The following NCALD variants were observed in gnomAD, a reference collection of about 807,000 sequenced individuals.
The protein encoded by NCALD is neurocalcin-delta.
A neutral mutation model predicts 18.6 loss-of-function variants in NCALD; 10 were observed. The ratio of observed to expected loss-of-function variants is 0.54; its 90% CI spans 0.33 to 0.91. The LOEUF (loss-of-function observed/expected upper bound fraction) is 0.91. Ranked by LOEUF, NCALD falls within the 40% of genes least tolerant of loss-of-function variation. The pLI, the probability that NCALD is intolerant of heterozygous loss-of-function variation, is 0.03. For missense variants in NCALD, 184 were observed against 247.6 expected, an observed-to-expected ratio of 0.74 and a Z score of 1.72; for synonymous variants, 88 against 87.4, an observed-to-expected ratio of 1.01 and a Z score of -0.04.
chr8:102,017,841 G>A (rs965428328), intron 2 of NCALD, among the ~76,000 whole-genome samples: 2 of 152,148 alleles, frequency 1.3e-5, no homozygotes, highest in East Asian at 3.8e-4. Context: ...AAAAGTATTT[G>A]CAAAGCACAT....
At chr8:101,746,941 G>A (rs1016037872) in intron 1 of NCALD, among the ~76,000 whole-genome samples, 9 of 152,014 alleles carry the variant, frequency 5.9e-5, no homozygotes, top group Admixed American at 3.3e-4. Context: ...CATTCTCATG[G>A]TGTTAGGGCA....
chr8:101,854,204 T>C (rs1384680896), intron 4 of NCALD, among the ~76,000 whole-genome samples: 2 of 152,196 alleles, frequency 1.3e-5, no homozygotes, highest in African/African-American at 4.8e-5. Context: ...TAGCAGGTGC[T>C]GCCTGGGGTA....
chr8:101,893,013 C>T (rs1227690281), intron 3 of NCALD, among the ~76,000 whole-genome samples: 51 of 147,570 alleles, frequency 3.5e-4, no homozygotes, highest in African/African-American at 1.1e-3. Flanking sequence ...ATACAGAGAA[C>T]GCCACAAAGA....
chr8:101,996,238 A>T (rs1007772355), intron 2 of NCALD, among the ~76,000 whole-genome samples: 1 of 152,268 alleles, frequency 6.6e-6, no homozygotes, highest in African/African-American at 2.4e-5. Context: ...GCCACATCTA[A>T]CAGCCTTGAG....
intron 2 of NCALD, among the ~76,000 whole-genome samples, chr8:101,953,889 C>T (rs765655691): frequency 4.6e-5 from 7 of 152,208 alleles, no homozygotes; most frequent in African/African-American, 9.7e-5. Context: ...GATGGAAAAC[C>T]GCCATCAATC....
intron 2 of NCALD, among the ~76,000 whole-genome samples, chr8:101,970,322 C>T (rs1164938805): frequency 1.3e-5 from 2 of 152,126 alleles, no homozygotes; most frequent in East Asian, 3.9e-4. Context: ...CCTCTTTTCA[C>T]CCATAATGAT....
intron 1 of NCALD, among the ~76,000 whole-genome samples, chr8:102,025,108 C>T (rs1822408608): frequency 6.6e-6 from 1 of 152,338 alleles, no homozygotes; most frequent in Admixed American, 6.5e-5. Context: ...CTCCTAGGCT[C>T]GGCTCTAGCT....
At chr8:101,757,170 C>A (rs983883197) in intron 1 of NCALD, among the ~76,000 whole-genome samples, 5 of 152,200 alleles carry the variant, frequency 3.3e-5, no homozygotes, top group African/African-American at 9.7e-5. Flanking sequence ...GCCTTCAGAT[C>A]CTGTCCTCAA....
At chr8:101,891,828 G>A (rs1212006728) in intron 3 of NCALD, among the ~76,000 whole-genome samples, 3 of 152,210 alleles carry the variant, frequency 2.0e-5, no homozygotes, top group African/African-American at 4.8e-5. Context: ...GGAGCACCAC[G>A]AGATTATATC....
At chr8:101,915,484 C>G (rs1817942222) in intron 3 of NCALD, 1 of 152,176 alleles carries the variant, frequency 6.6e-6, no homozygotes, top group Admixed American at 6.5e-5. Flanking sequence ...TAATGTACCC[C>G]TTGAGAAGAC....
rs55912312 is a variant in NCALD at position 102,081,561 on chromosome 8, A to C, written c.-210+42676T>G. Among the ~76,000 whole-genome samples the C allele has an allele frequency of 2.0e-3, 223 of 112,556 alleles. 2 individuals carry two copies. Among genetic ancestry groups the C allele is most frequent in the African/African-American group, 0.01 (195 of 19,242 alleles). 73.8% of individuals were successfully genotyped at this position (112,556 alleles called of 152,430 possible). A position where few individuals can be genotyped will look rare whatever the true frequency, so the allele number is the denominator to read the frequency against. On this transcript the variant is annotated intron_variant, in intron 1 of 6. Coordinates refer to the NCALD transcript ENST00000311028. Reference sequence around the variant, plus strand: ...AAATAATGGTAAAAAAAAAAAAAAAAAAAAAAAAAAAAAAACCCCAAAAAA... The same window carrying C: ...AAATAATGGTAAAAAAAAAAAAAAACAAAAAAAAAAAAAAACCCCAAAAAA...
At chr8:101,823,218 T>C (rs1278482368) in intron 4 of NCALD, among the ~76,000 whole-genome samples, 1 of 152,242 alleles carries the variant, frequency 6.6e-6, no homozygotes, top group Non-Finnish European at 1.5e-5. Context: ...GCATGTAGAA[T>C]GTAAAATTCT....
chr8:102,026,324 T>C (rs929061558), intron 1 of NCALD, among the ~76,000 whole-genome samples: 1 of 152,202 alleles, frequency 6.6e-6, no homozygotes, highest in African/African-American at 2.4e-5. Flanking sequence ...CCTATGAGCC[T>C]GTAAAATCAA....
chr8:101,954,980 T>C (rs977240740), intron 2 of NCALD, among the ~76,000 whole-genome samples: 4 of 152,120 alleles, frequency 2.6e-5, no homozygotes, highest in Non-Finnish European at 5.9e-5. Flanking sequence ...TGACCCATTT[T>C]GGCACACAAA....
intron 1 of NCALD, among the ~76,000 whole-genome samples, chr8:102,068,105 G>A (rs1824065789): frequency 6.6e-6 from 1 of 152,164 alleles, no homozygotes; most frequent in African/African-American, 2.4e-5. Flanking sequence ...ATATTTAAAG[G>A]AGAGTGAGAG....
chr8:101,903,199 T>A (rs1270858046), intron 3 of NCALD, among the ~76,000 whole-genome samples: 1 of 70,138 alleles, frequency 1.4e-5, no homozygotes, highest in Non-Finnish European at 2.5e-5. Flanking sequence ...TTTTAGGAAT[T>A]TTTTTTTTTT....
chr8:102,112,298 T>C (rs1457479204), intron 1 of NCALD, among the ~76,000 whole-genome samples: 1 of 152,100 alleles, frequency 6.6e-6, no homozygotes, highest in Admixed American at 6.5e-5. Flanking sequence ...GCTTCCGTTG[T>C]CACCTGAAGA....
At chr8:101,953,291 A>C (rs1005888303) in intron 2 of NCALD, among the ~76,000 whole-genome samples, 3 of 152,156 alleles carry the variant, frequency 2.0e-5, no homozygotes, top group African/African-American at 7.2e-5. Context: ...TCCCAACTTA[A>C]AGAATATTGT....
At chr8:101,943,172 C>A (rs1464286673) in intron 2 of NCALD, among the ~76,000 whole-genome samples, 2 of 152,012 alleles carry the variant, frequency 1.3e-5, no homozygotes, top group East Asian at 3.9e-4. Context: ...GGTTGCCGCA[C>A]TCACTGCTCT....
Sources: allele counts gnomAD v4.1 joint callset (sites outside exome capture counted in the v4.1 genomes callset), GRCh38; gene constraint gnomAD v4.1.1; transcripts MANE v1.5; gene names NCBI Gene and HGNC (gene_info 2026-07-23, HGNC 2026-07-21).